Variants in CAMK2D observed in about 807,000 individuals in gnomAD.
The protein encoded by CAMK2D is calcium/calmodulin dependent protein kinase II delta.
Under a neutral mutation model 84.0 loss-of-function variants are expected in CAMK2D, and 37 were observed. The observed-to-expected ratio is 0.44, with a 90% confidence interval of 0.34 to 0.58. The LOEUF (loss-of-function observed/expected upper bound fraction) is 0.58. Among genes scored for constraint, CAMK2D ranks in the 20% least tolerant of loss-of-function variants. CAMK2D has a pLI of 0.02. For missense variants in CAMK2D, 448 were observed against 652.5 expected (o/e 0.69, Z 3.41); for synonymous variants, 202 against 212.5 (o/e 0.95, Z 0.43).
At chr4:113,501,421 G>A (rs1009652587) in intron 15 of CAMK2D, among the ~76,000 whole-genome samples, 1 of 151,980 alleles carries the variant, frequency 6.6e-6, no homozygotes, top group African/African-American at 2.4e-5. Flanking sequence ...TTAAATGCTA[G>A]AGCCAAAAAT....
At chr4:113,541,063 A>T (rs1371227472) in intron 6 of CAMK2D, among the ~76,000 whole-genome samples, 1 of 152,224 alleles carries the variant, frequency 6.6e-6, no homozygotes, top group African/African-American at 2.4e-5. Context: ...CTGTACTTTC[A>T]TATGAATACA....
chr4:113,717,609 C>G (rs1201696776), intron 2 of CAMK2D, among the ~76,000 whole-genome samples: 1 of 151,818 alleles, frequency 6.6e-6, no homozygotes, highest in African/African-American at 2.4e-5. Flanking sequence ...TTTGTGAATA[C>G]CACTTGAAAT....
At chr4:113,729,262 T>C (rs566862886) in intron 2 of CAMK2D, among the ~76,000 whole-genome samples, 13 of 152,328 alleles carry the variant, frequency 8.5e-5, no homozygotes, top group African/African-American at 2.9e-4. Flanking sequence ...AACATAATTT[T>C]GATCATGTTA....
intron 16 of CAMK2D, among the ~76,000 whole-genome samples, chr4:113,490,725 C>A (rs1406317373): frequency 2.7e-5 from 4 of 149,528 alleles, no homozygotes; most frequent in East Asian, 1.9e-4. Flanking sequence ...CTGTAAATTA[C>A]CTTGGGCAGT....
chr4:113,508,267 T>G (rs1274093372), intron 13 of CAMK2D: 1 of 1,545,952 alleles, frequency 6.5e-7, no homozygotes, highest in Non-Finnish European at 8.8e-7. Context: ...GGACTTCCTT[T>G]TCTGAATTGA....
intron 4 of CAMK2D, among the ~76,000 whole-genome samples, chr4:113,553,242 G>T (rs1177030856): frequency 6.6e-6 from 1 of 152,098 alleles, no homozygotes; most frequent in Non-Finnish European, 1.5e-5. Flanking sequence ...ATCACACAGC[G>T]TTTAGTGACA....
rs183627453 is a variant in CAMK2D at position 113,678,302 on chromosome 4, C to T, written c.161-16530G>A. On this transcript the variant is annotated intron_variant, in intron 2 of 20. Coordinates refer to ENST00000511664, the MANE Select transcript of CAMK2D (RefSeq NM_001321571.2). ...TGAGACCCTGGGCAATGGACCTAACCTTACTGACATTAGTTTCCTCAGCTG... is the reference window on the plus strand; with the variant it reads ...TGAGACCCTGGGCAATGGACCTAACTTTACTGACATTAGTTTCCTCAGCTG... Among the ~76,000 whole-genome samples the T allele has an allele frequency of 4.4e-3, 676 of 152,258 alleles. 3 individuals are homozygous for T. Among genetic ancestry groups the T allele is most frequent in the Non-Finnish European group, 6.9e-3 (472 of 68,010 alleles).
At chr4:113,470,953 T>C (rs1048032820) in intron 16 of CAMK2D, among the ~76,000 whole-genome samples, 20 of 152,230 alleles carry the variant, frequency 1.3e-4, no homozygotes, top group Admixed American at 1.2e-3. Flanking sequence ...TTTTAAAATA[T>C]ATGATGGTAC....
chr4:113,603,529 T>C (rs544777173), intron 4 of CAMK2D, among the ~76,000 whole-genome samples: 26 of 150,852 alleles, frequency 1.7e-4, no homozygotes, highest in African/African-American at 2.7e-4. Flanking sequence ...TAGGTGGGAA[T>C]TGAACAATGA....
chr4:113,724,411 C>A (rs1033702247), intron 2 of CAMK2D, among the ~76,000 whole-genome samples: 6 of 151,528 alleles, frequency 4.0e-5, no homozygotes, highest in African/African-American at 1.5e-4. Flanking sequence ...TAACTTATAA[C>A]AGTTAATATT....
At chr4:113,714,629 G>T (rs1216470760) in intron 2 of CAMK2D, among the ~76,000 whole-genome samples, 1 of 152,046 alleles carries the variant, frequency 6.6e-6, no homozygotes, top group East Asian at 1.9e-4. Flanking sequence ...AAGAGGAGGG[G>T]AGTTAAGGCT....
chr4:113,483,381 A>G (rs1303450510), intron 16 of CAMK2D, among the ~76,000 whole-genome samples: 1 of 151,936 alleles, frequency 6.6e-6, no homozygotes, highest in Admixed American at 6.6e-5. Context: ...GTTTGTTCAC[A>G]TATGATAGCA....
chr4:113,609,023 T>C (rs936144377), intron 4 of CAMK2D, 129 bp downstream of exon 4: 10 of 569,568 alleles, frequency 1.8e-5, no homozygotes, highest in African/African-American at 5.6e-5. Context: ...GAATTAGAGT[T>C]GAATGTTACT....
intron 5 of CAMK2D, among the ~76,000 whole-genome samples, chr4:113,551,802 G>A (rs2098631298): frequency 1.3e-5 from 2 of 152,066 alleles, no homozygotes; most frequent in Non-Finnish European, 2.9e-5. Flanking sequence ...TTCCAATTAG[G>A]TGGGGTGTTT....
chr4:113,654,775 C>CA (rs1009590912), intron 3 of CAMK2D, among the ~76,000 whole-genome samples: 5 of 151,532 alleles, frequency 3.3e-5, no homozygotes, highest in African/African-American at 1.2e-4. Context: ...AATATTAAAA[C>CA]AAAAAAATTA....
intron 2 of CAMK2D, among the ~76,000 whole-genome samples, chr4:113,689,932 C>T (rs929340619): frequency 1.3e-5 from 2 of 152,092 alleles, no homozygotes; most frequent in Admixed American, 6.6e-5. Flanking sequence ...TAGAAAAGTG[C>T]CAAACACATA....
chr4:113,637,071 C>T (rs2099112727), intron 3 of CAMK2D, among the ~76,000 whole-genome samples: 1 of 152,182 alleles, frequency 6.6e-6, no homozygotes, highest in Non-Finnish European at 1.5e-5. Flanking sequence ...CTTCCTTCCA[C>T]ACTTGGCCCA....
At chr4:113,613,550 G>A (rs988148812) in intron 3 of CAMK2D, among the ~76,000 whole-genome samples, 16 of 152,134 alleles carry the variant, frequency 1.1e-4, no homozygotes, top group Non-Finnish European at 2.2e-4. Flanking sequence ...TTGACTGTAG[G>A]TTTAAAATGT....
chr4:113,526,510 A>G (rs1435921091), intron 8 of CAMK2D, among the ~76,000 whole-genome samples: 2 of 152,072 alleles, frequency 1.3e-5, no homozygotes, highest in Non-Finnish European at 2.9e-5. Flanking sequence ...ACAAAATGTT[A>G]TATAGTTTAG....
Sources: allele counts gnomAD v4.1 joint callset (sites outside exome capture counted in the v4.1 genomes callset), GRCh38; gene constraint gnomAD v4.1.1; transcripts MANE v1.5; gene names NCBI Gene and HGNC (gene_info 2026-07-23, HGNC 2026-07-21).